Variants in NT5M observed in about 807,000 individuals in gnomAD.
The protein encoded by NT5M is 5'(3')-deoxyribonucleotidase, mitochondrial.
Under a neutral mutation model 22.2 loss-of-function variants are expected in NT5M, and 22 were observed. The observed-to-expected ratio is 0.99, with a 90% confidence interval of 0.71 to 1.41. NT5M has a LOEUF of 1.41. Among genes scored for constraint, NT5M ranks in the 40% most tolerant of loss-of-function variants. NT5M has a pLI of 0.00. For synonymous variants in NT5M, 167 were observed against 133.0 expected (o/e 1.26, Z -1.76); for missense variants, 322 against 314.8 (o/e 1.02, Z -0.17).
chr17:17,309,391 G>A (rs1195665130), intron 2 of NT5M, among the ~76,000 whole-genome samples: 1 of 152,040 alleles, frequency 6.6e-6, no homozygotes, highest in African/African-American at 2.4e-5. Context: ...TCCAAAAGTG[G>A]TGGGATTACA....
chr17:17,326,369 C>T (rs1237522182), intron 3 of NT5M, among the ~76,000 whole-genome samples: 1 of 152,188 alleles, frequency 6.6e-6, no homozygotes, highest in African/African-American at 2.4e-5. Flanking sequence ...TGGAGGTAGC[C>T]TGCATTCACT....
rs2145299246 is a variant in NT5M, at chr17:17,303,488, C to G, written c.-63C>G. On this transcript the variant is annotated 5_prime_UTR_variant, in exon 1 of 5. Coordinates refer to ENST00000389022, the MANE Select transcript of NT5M (RefSeq NM_020201.4). Reference sequence around the variant, plus strand: ...TCTCCTCCGCGGCGGGAATGTCTGGCCGGCTCCGGCAGCACGGCGCGGCCC... The same window carrying G: ...TCTCCTCCGCGGCGGGAATGTCTGGGCGGCTCCGGCAGCACGGCGCGGCCC... 1 of 1,017,974 alleles carries G rather than the reference C, an allele frequency of 9.8e-7. No individual in the cohort carries two copies. Among genetic ancestry groups the G allele is most frequent in the South Asian group, 4.5e-5 (1 of 22,288 alleles). The allele number at this position is 1,017,974 out of a possible 1,614,324, so 63.1% of individuals were successfully genotyped here.
chr17:17,308,484 C>G (rs2048857863), intron 2 of NT5M, among the ~76,000 whole-genome samples: 1 of 151,610 alleles, frequency 6.6e-6, no homozygotes, highest in Admixed American at 6.6e-5. Flanking sequence ...CCCAGCTACT[C>G]GGGAGGCTGA....
chr17:17,322,623 G>A (rs2049173602), intron 2 of NT5M, among the ~76,000 whole-genome samples: 1 of 152,170 alleles, frequency 6.6e-6, no homozygotes, highest in Admixed American at 6.5e-5. Context: ...AGTAGCGAAC[G>A]CCAGCCTCAT....
At position 17,303,661 on chromosome 17, in the gene NT5M, G is replaced by A; in HGVS notation, c.111G>A (p.Arg37=). ...GLGLAGGRAL[R]VLVDMDGVLA... is the part of the protein sequence containing the mutation. The stretch of plus-strand genomic sequence containing the variant: ...GCCTGGCGGGAGGCCGCGCCCTACG[G>A]GTGCTGGTGGACATGGACGGCGTGC... Residue 37 remains arginine, a synonymous_variant, in exon 1 of 5, where the codon CGG becomes CGA. Transcript: ENST00000389022. The A allele has an allele frequency of 1.3e-6, 2 of 1,546,812 alleles. No individual in the cohort carries two copies. Among genetic ancestry groups the A allele is most frequent in the East Asian group, 2.6e-5 (1 of 38,716 alleles).
At chr17:17,313,570 G>A (rs1237020344) in intron 2 of NT5M, among the ~76,000 whole-genome samples, 2 of 152,182 alleles carry the variant, frequency 1.3e-5, no homozygotes, top group African/African-American at 2.4e-5. Flanking sequence ...AGAGACCAAG[G>A]CTGATCAGTC....
intron 3 of NT5M, among the ~76,000 whole-genome samples, chr17:17,333,183 C>A (rs910927408): frequency 6.6e-6 from 1 of 152,192 alleles, no homozygotes; most frequent in Admixed American, 6.5e-5. Flanking sequence ...TGCCTCGTTT[C>A]TCATTGAGTT....
intron 3 of NT5M, among the ~76,000 whole-genome samples, chr17:17,335,406 C>T (rs529450420): frequency 1.5e-4 from 22 of 150,516 alleles, no homozygotes; most frequent in Admixed American, 2.7e-4. Context: ...TATAGGCGCC[C>T]GCCACCATGC....
chr17:17,342,252 C>A (rs2049658671), intron 3 of NT5M, among the ~76,000 whole-genome samples: 1 of 152,160 alleles, frequency 6.6e-6, no homozygotes, highest in Non-Finnish European at 1.5e-5. Flanking sequence ...ATACAAACAG[C>A]CCACTTTGTT....
At chr17:17,344,678 ATCCC>A in intron 3 of NT5M, 112 bp from the exon 4 acceptor site, 1 of 1,294,536 alleles carries the variant, frequency 7.7e-7, no homozygotes, top group African/African-American at 1.5e-5. Context: ...TCAGGCCTCC[ATCCC>A]TCCCTGCCTG....
At chr17:17,317,029 T>A (rs967009587) in intron 2 of NT5M, among the ~76,000 whole-genome samples, 6 of 140,250 alleles carry the variant, frequency 4.3e-5, no homozygotes, top group African/African-American at 1.6e-4. Context: ...TTAGGTTTTT[T>A]GTTTTTTGTT....
At chr17:17,317,131 G>A (rs1330161016) in intron 2 of NT5M, among the ~76,000 whole-genome samples, 15 of 149,354 alleles carry the variant, frequency 1.0e-4, no homozygotes, top group Non-Finnish European at 1.8e-4. Context: ...CTCACTGCAA[G>A]CTCTGCCTCC....
intron 3 of NT5M, among the ~76,000 whole-genome samples, chr17:17,340,857 A>C (rs2049628466): frequency 6.6e-6 from 1 of 151,982 alleles, no homozygotes; most frequent in Non-Finnish European, 1.5e-5. Flanking sequence ...AGGATGCATC[A>C]TTAAGTTGTT....
At chr17:17,328,687 G>A (rs542347890) in intron 3 of NT5M, among the ~76,000 whole-genome samples, 5 of 152,310 alleles carry the variant, frequency 3.3e-5, no homozygotes, top group Admixed American at 3.3e-4. Flanking sequence ...TTTGTTGCTA[G>A]AAGTGGAAAC....
At chr17:17,311,797 C>T (rs2048927871) in intron 2 of NT5M, among the ~76,000 whole-genome samples, 2 of 152,196 alleles carry the variant, frequency 1.3e-5, no homozygotes, top group Admixed American at 6.5e-5. Flanking sequence ...CCAAGTCCTG[C>T]AGAGTAGTGA....
chr17:17,345,036 C>A, intron 4 of NT5M, 128 bp downstream of exon 4: 2 of 1,382,712 alleles, frequency 1.4e-6, no homozygotes, highest in Non-Finnish European at 1.9e-6. Flanking sequence ...GGCACTGAGC[C>A]CCTCCCCTTC....
At chr17:17,339,379 T>C (rs895988798) in intron 3 of NT5M, among the ~76,000 whole-genome samples, 3 of 152,188 alleles carry the variant, frequency 2.0e-5, no homozygotes, top group Non-Finnish European at 4.4e-5. Flanking sequence ...GTGGAATCTT[T>C]AGGTTTTTCC....
At chr17:17,309,215 G>A (rs147993664) in intron 2 of NT5M, among the ~76,000 whole-genome samples, 11 of 149,010 alleles carry the variant, frequency 7.4e-5, no homozygotes, top group Non-Finnish European at 1.0e-4. Context: ...AGCCTTTACC[G>A]CCTGGACTCA....
chr17:17,320,429 A>G (rs537189187), intron 2 of NT5M, among the ~76,000 whole-genome samples: 1 of 152,044 alleles, frequency 6.6e-6, no homozygotes, highest in East Asian at 1.9e-4. Context: ...AGACCTGGGG[A>G]TGGATCTGAT....
Sources: gnomAD v4.1 joint callset for allele counts (sites outside exome capture counted in the v4.1 genomes callset) on GRCh38, gnomAD v4.1.1 for gene constraint, MANE v1.5 for transcripts, NCBI Gene and HGNC (gene_info 2026-07-23, HGNC 2026-07-21) for gene names.